Variants in PRKN observed in about 807,000 individuals in gnomAD.
PRKN encodes the protein parkin RBR E3 ubiquitin protein ligase.
Under a neutral mutation model 59.5 loss-of-function variants are expected in PRKN, and 56 were observed. That is an observed-to-expected ratio of 0.94 (90% CI 0.76 to 1.18). The LOEUF (loss-of-function observed/expected upper bound fraction) is 1.18, where lower values mean the gene tolerates loss of function less well. Ranked by LOEUF, PRKN falls within the 50% of genes most tolerant of loss-of-function variation. PRKN has a pLI of 0.00. For synonymous variants in PRKN, 250 were observed against 222.1 expected (o/e 1.13, Z -1.12); for missense variants, 657 against 596.4 (o/e 1.10, Z -1.06).
intron 1 of PRKN, among the ~76,000 whole-genome samples, chr6:162,467,967 T>C (rs1489660132): frequency 1.3e-5 from 2 of 152,156 alleles, no homozygotes; most frequent in African/African-American, 4.8e-5. Flanking sequence ...CTAGAGAGTA[T>C]CTCAAATGCC....
rs891602581 is a variant in PRKN, at chr6:161,378,600, T to G, written c.1167+8194A>C. Among the ~76,000 whole-genome samples the G allele has an allele frequency of 7.9e-5, 12 of 152,194 alleles. No individual in the cohort carries two copies. Among genetic ancestry groups the G allele is most frequent in the African/African-American group, 2.9e-4 (12 of 41,450 alleles). ...TCAGCCAGCACTAGCATCTGCAGGC[T>G]GCCGGCACCCTGCATGGCACTGCAT... On this transcript the variant is annotated intron_variant, in intron 10 of 11. Transcript: ENST00000366898. This position sits in a 1 kb window ranked among gnomAD's most constrained non-coding sequence, Gnocchi z 7.3.
At chr6:161,846,728 C>T (rs987028586) in intron 6 of PRKN, among the ~76,000 whole-genome samples, 1 of 152,162 alleles carries the variant, frequency 6.6e-6, no homozygotes, top group Non-Finnish European at 1.5e-5. Flanking sequence ...TGGGTCCCAC[C>T]TTACCAAATT....
intron 1 of PRKN, among the ~76,000 whole-genome samples, chr6:162,602,763 G>T (rs1210763761): frequency 6.6e-6 from 1 of 152,172 alleles, no homozygotes; most frequent in Non-Finnish European, 1.5e-5. Context: ...AAGAAAATCA[G>T]GTAAGCTCTT....
chr6:161,696,521 C>T (rs1161606469), intron 7 of PRKN, among the ~76,000 whole-genome samples: 1 of 152,200 alleles, frequency 6.6e-6, no homozygotes, highest in Non-Finnish European at 1.5e-5. Context: ...CTAAATTCTT[C>T]TGCAAAGTTT....
At chr6:161,911,419 T>C (rs986739255) in intron 6 of PRKN, among the ~76,000 whole-genome samples, 1 of 152,176 alleles carries the variant, frequency 6.6e-6, no homozygotes, top group Non-Finnish European at 1.5e-5. Flanking sequence ...CCTTCCCACA[T>C]TCTGTAGAAA....
rs1016055839 is a variant in PRKN at position 161,488,311 on chromosome 6, G to A, written c.1083+60543C>T. On this transcript the variant is annotated intron_variant, in intron 9 of 11. Transcript: ENST00000366898. This position sits in a 1 kb window ranked among gnomAD's most constrained non-coding sequence, Gnocchi z 4.5. Reference sequence around the variant, plus strand: ...CATTGTCAACAAGGGGAAAGTGATCGGGCCGAGGACAGAAGGCCAGGTCAC... The same window carrying A: ...CATTGTCAACAAGGGGAAAGTGATCAGGCCGAGGACAGAAGGCCAGGTCAC... Among the ~76,000 whole-genome samples the A allele has an allele frequency of 4.6e-5, 7 of 152,252 alleles. No individual in the cohort carries two copies. The South Asian group carries it at 6.2e-4, about 14-fold the overall frequency.
chr6:161,709,146 G>A (rs1786635977), intron 7 of PRKN, among the ~76,000 whole-genome samples: 1 of 152,190 alleles, frequency 6.6e-6, no homozygotes, highest in African/African-American at 2.4e-5. Flanking sequence ...ATAAAACACT[G>A]CAGGAGCTAA....
intron 4 of PRKN, among the ~76,000 whole-genome samples, chr6:162,103,059 A>AAG: frequency 6.6e-6 from 1 of 151,284 alleles, no homozygotes; most frequent in Non-Finnish European, 1.5e-5. Flanking sequence ...AAAAAAAAAA[A>AAG]GAAAAAAAGA....
chr6:161,839,279 C>A (rs1421263467), intron 6 of PRKN, among the ~76,000 whole-genome samples: 1 of 152,082 alleles, frequency 6.6e-6, no homozygotes, highest in Non-Finnish European at 1.5e-5. Context: ...ACCAGGAAGG[C>A]TGAGGGAGCG....
intron 6 of PRKN, among the ~76,000 whole-genome samples, chr6:161,796,359 T>A (rs1176161001): frequency 2.0e-5 from 3 of 152,112 alleles, no homozygotes; most frequent in African/African-American, 7.2e-5. Context: ...CTGTTCTTTT[T>A]AAAAAGTAAG....
At chr6:162,093,641 T>C (rs1779604830) in intron 4 of PRKN, among the ~76,000 whole-genome samples, 1 of 152,214 alleles carries the variant, frequency 6.6e-6, no homozygotes, top group Non-Finnish European at 1.5e-5. Context: ...GTGGGGTAGC[T>C]GTGCTCTCCT....
At position 161,388,051 on chromosome 6, in the gene PRKN, T is replaced by C. The variant is rs4640873; in HGVS notation, c.1084-1174A>G. On this transcript the variant is annotated intron_variant, in intron 9 of 11. Coordinates refer to ENST00000366898, the MANE Select transcript of PRKN (RefSeq NM_004562.3). This position sits in a 1 kb window ranked among gnomAD's most constrained non-coding sequence, Gnocchi z 4.3. ...CTGTCTGGGATCCATGGACCTCTCC[T>C]GAAAGCACGTCCCATTCTCATCGCC... Among the ~76,000 whole-genome samples the C allele has an allele frequency of 0.26, 39,499 of 152,062 alleles. 5,232 individuals are homozygous for C. Among genetic ancestry groups the C allele is most frequent in the South Asian group, 0.33 (1,602 of 4,820 alleles).
intron 4 of PRKN, among the ~76,000 whole-genome samples, chr6:162,068,621 G>A (rs989240157): frequency 6.6e-6 from 1 of 152,218 alleles, no homozygotes; most frequent in African/African-American, 2.4e-5. Context: ...TCCTTGCCAT[G>A]TGAGCTTCCT....
chr6:161,941,592 A>C (rs1779569503), intron 6 of PRKN, among the ~76,000 whole-genome samples: 1 of 152,230 alleles, frequency 6.6e-6, no homozygotes, highest in Admixed American at 6.5e-5. Context: ...GCAGGGGTCT[A>C]ATTGAGCTAA....
rs1047870915 is a variant in PRKN, at chr6:161,451,946, T to TTTTTC, written c.1084-65074_1084-65070dup. Among the ~76,000 whole-genome samples, 1 of 151,948 alleles carries TTTTTC rather than the reference T, an allele frequency of 6.6e-6. No individual in the cohort carries two copies. The highest frequency in any genetic ancestry group is 1.5e-5 in the Non-Finnish European group (1 of 67,992). On this transcript the variant is annotated intron_variant, in intron 9 of 11. Coordinates refer to ENST00000366898, the MANE Select transcript of PRKN (RefSeq NM_004562.3). This position sits in a 1 kb window ranked among gnomAD's most constrained non-coding sequence, Gnocchi z 5.9. ...CTTTTTTCTTTTCTTTTCTTTTACT[T>TTTTTC]TTTTCTTTTCTTTTCTTTTCTTTTT...
At chr6:162,278,108 G>A (rs1459036810) in intron 2 of PRKN, among the ~76,000 whole-genome samples, 1 of 152,098 alleles carries the variant, frequency 6.6e-6, no homozygotes, top group Non-Finnish European at 1.5e-5. Context: ...GAAGTATCAA[G>A]CCAGGAAATG....
At chr6:161,886,751 TA>T (rs11356803) in intron 6 of PRKN, among the ~76,000 whole-genome samples, 8,756 of 144,790 alleles carry the variant, frequency 0.06, 284 homozygotes, top group South Asian at 0.11. Context: ...AATAATAAAA[TA>T]AAAAAAAATA....
At chr6:162,387,234 C>CAAAAAAAAAAAAAAAAA (rs34452454) in intron 2 of PRKN, among the ~76,000 whole-genome samples, 1 of 101,216 alleles carries the variant, frequency 9.9e-6, no homozygotes, top group Non-Finnish European at 2.1e-5. Flanking sequence ...AAAAAATAAG[C>CAAAAAAAAAAAAAAAAA]AAAAAAAAAA....
At chr6:161,659,695 C>T (rs1272507761) in intron 7 of PRKN, among the ~76,000 whole-genome samples, 1 of 152,054 alleles carries the variant, frequency 6.6e-6, no homozygotes, top group East Asian at 1.9e-4. Flanking sequence ...GTCTCCAGGT[C>T]GGGTTTTGGA....
Sources: gnomAD v4.1 joint callset for allele counts (sites outside exome capture counted in the v4.1 genomes callset) on GRCh38, gnomAD v4.1.1 for gene constraint, Gnocchi (gnomAD v3.1) non-coding constraint, MANE v1.5 for transcripts, NCBI Gene and HGNC (gene_info 2026-07-23, HGNC 2026-07-21) for gene names.